Variants in ABCB1 observed in about 807,000 individuals in gnomAD.
ABCB1 encodes the protein ATP-dependent translocase ABCB1.
ABCB1 carries 69 observed loss-of-function variants against 142.0 expected under a neutral mutation model. That is an observed-to-expected ratio of 0.49 (90% CI 0.40 to 0.59). The LOEUF is 0.59. Among genes scored for constraint, ABCB1 ranks in the 20% least tolerant of loss-of-function variants. The pLI is 0.00. For missense variants in ABCB1, 1,326 were observed against 1,554.7 expected (o/e 0.85, Z 2.47); for synonymous variants, 532 against 539.2 (o/e 0.99, Z 0.18).
intron 15 of ABCB1, among the ~76,000 whole-genome samples, chr7:87,545,249 GTATCT>G (rs1816724414): frequency 6.6e-6 from 1 of 152,130 alleles, no homozygotes; most frequent in Admixed American, 6.5e-5. Flanking sequence ...TTCATTCCAT[GTATCT>G]TATCTTCTCA....
chr7:87,545,315 G>GCTTT (rs1205762560), intron 15 of ABCB1, among the ~76,000 whole-genome samples: 1 of 152,156 alleles, frequency 6.6e-6, no homozygotes, highest in Non-Finnish European at 1.5e-5. Context: ...CTGGATCAGT[G>GCTTT]CTTTCAACAG....
chr7:87,533,528 C>A (rs541276922), intron 20 of ABCB1, among the ~76,000 whole-genome samples: 4 of 152,210 alleles, frequency 2.6e-5, no homozygotes, highest in African/African-American at 7.2e-5. Flanking sequence ...GAGATTTAAC[C>A]CCTCGGCTTC....
At chr7:87,669,173 A>G (rs1430180332) in intron 1 of ABCB1, among the ~76,000 whole-genome samples, 1 of 152,140 alleles carries the variant, frequency 6.6e-6, no homozygotes, top group Non-Finnish European at 1.5e-5. Context: ...TGTTGGGTAC[A>G]TATATATTTA....
intron 1 of ABCB1, chr7:87,628,336 G>A (rs892264094): frequency 3.3e-5 from 5 of 152,762 alleles, no homozygotes; most frequent in Admixed American, 3.3e-4. Context: ...GATCCGGCGG[G>A]GGTAGCGTTG....
At chr7:87,509,607 T>A in intron 25 of ABCB1, 126 bp from the exon 26 acceptor site, 1 of 1,031,428 alleles carries the variant, frequency 9.7e-7, no homozygotes, top group Non-Finnish European at 1.5e-6. Context: ...TTTGTGTGAT[T>A]AAAATTTGGA....
At chr7:87,533,948 T>A (rs570039961) in intron 20 of ABCB1, among the ~76,000 whole-genome samples, 1 of 152,326 alleles carries the variant, frequency 6.6e-6, no homozygotes, top group South Asian at 2.1e-4. Context: ...GCAGCCATCT[T>A]GGCAGGGCCA....
In ABCB1 at chr7:87,545,941, A is replaced by G. The variant is rs757574649; in HGVS notation, c.1809T>C (p.Asp603=). Reference sequence around the variant, plus strand: ...GATTTCCTTTCTCCACAATGACTCCATCATCGAAACCAGCGATGACGTCAG... The same window carrying G: ...GATTTCCTTTCTCCACAATGACTCCGTCATCGAAACCAGCGATGACGTCAG... ...RNADVIAGFD[D]GVIVEKGNHD... is the part of the protein sequence containing the mutation. Residue 603 remains aspartate (D), a synonymous_variant, in exon 15 of 28, where the codon GAT becomes GAC. Coordinates refer to ENST00000622132, the MANE Select transcript of ABCB1 (RefSeq NM_001348946.2). The G allele has an allele frequency of 3.7e-6, 6 of 1,614,026 alleles. No individual in the cohort carries two copies. The African/African-American group carries it at 6.7e-5, about 18-fold the overall frequency.
intron 1 of ABCB1, among the ~76,000 whole-genome samples, chr7:87,702,823 C>T (rs1829211786): frequency 6.6e-6 from 1 of 152,066 alleles, no homozygotes; most frequent in East Asian, 1.9e-4. Flanking sequence ...GCTAAATGGA[C>T]CATTTAATGC....
At position 87,605,999 on chromosome 7, in the gene ABCB1, A is replaced by G. The variant is rs1250778775; in HGVS notation, c.-330-4921T>C. On this transcript the variant is annotated intron_variant, in intron 1 of 28. Transcript: ENST00000265724. ...ATTACTTTTAAAGAAATCTATAAAA[A>G]CAACAAAATTATGAAGAAAATTGAA... Among the ~76,000 whole-genome samples, 3 of 152,232 alleles carry G rather than the reference A, an allele frequency of 2.0e-5. No individual in the cohort carries two copies. The East Asian group carries it at 5.8e-4, about 29-fold the overall frequency.
At chr7:87,518,148 A>G (rs1815333285) in intron 23 of ABCB1, among the ~76,000 whole-genome samples, 1 of 152,140 alleles carries the variant, frequency 6.6e-6, no homozygotes. Context: ...CTCTATGCCT[A>G]TGTTTGTGTA....
chr7:87,561,511 T>C (rs940023204), intron 7 of ABCB1, 124 bp from the exon 8 acceptor site: 13 of 976,704 alleles, frequency 1.3e-5, no homozygotes, highest in Non-Finnish European at 1.8e-5. Context: ...AAAATCTGTC[T>C]TTTACTTGCC....
intron 21 of ABCB1, chr7:87,521,947 G>A: frequency 1.3e-6 from 1 of 792,036 alleles, no homozygotes; most frequent in South Asian, 1.3e-5. Context: ...GGGTAAGACT[G>A]TCACTGAGAA....
rs769592199 is a variant in ABCB1, at chr7:87,505,908, C to T, written c.3625G>A (p.Glu1209Lys). 5 of 1,614,026 alleles carry T rather than the reference C, an allele frequency of 3.1e-6. No homozygotes were observed. The highest frequency in any genetic ancestry group is 2.2e-5 in the East Asian group (1 of 44,888). The change falls in exon 27 of 28, where the codon GAA becomes AAA. Residue 1209 changes from glutamate to lysine, a missense_variant. Glu to Lys is a moderately conservative substitution (Grantham distance 56, BLOSUM62 1). Coordinates refer to ENST00000622132, the MANE Select transcript of ABCB1 (RefSeq NM_001348946.2). ...LDEATSALDT[E>K]SEKVVQEALD... is the part of the protein sequence containing the mutation. The stretch of plus-strand genomic sequence containing the variant: ...ATTTAAATTCTTACCTTTTCACTTT[C>T]TGTATCCAGAGCTGACGTGGCTTCA...
intron 1 of ABCB1, among the ~76,000 whole-genome samples, chr7:87,625,869 G>C (rs1394504111): frequency 6.6e-6 from 1 of 151,688 alleles, no homozygotes; most frequent in Non-Finnish European, 1.5e-5. Context: ...AAAGTGTAAA[G>C]TCTGACTAAA....
At chr7:87,553,135 A>G (rs1327558511) in intron 9 of ABCB1, among the ~76,000 whole-genome samples, 1 of 152,178 alleles carries the variant, frequency 6.6e-6, no homozygotes, top group Non-Finnish European at 1.5e-5. Flanking sequence ...ATCAGAAAAT[A>G]AAAGTGAAGT....
At chr7:87,681,619 A>T (rs567159372) in intron 1 of ABCB1, among the ~76,000 whole-genome samples, 2 of 150,744 alleles carry the variant, frequency 1.3e-5, no homozygotes, top group East Asian at 3.9e-4. Context: ...TCAGCAAGTC[A>T]TTACCTTTTT....
At chr7:87,530,451 C>T (rs1003876780) in intron 21 of ABCB1, among the ~76,000 whole-genome samples, 1 of 152,002 alleles carries the variant, frequency 6.6e-6, no homozygotes, top group Admixed American at 6.6e-5. Flanking sequence ...TGTGCCTCAG[C>T]CCCACTAGAA....
intron 1 of ABCB1, among the ~76,000 whole-genome samples, chr7:87,691,491 A>G (rs1828008026): frequency 6.6e-6 from 1 of 152,150 alleles, no homozygotes; most frequent in Non-Finnish European, 1.5e-5. Context: ...TAAGCTACAT[A>G]GTGTTAAATA....
intron 1 of ABCB1, among the ~76,000 whole-genome samples, chr7:87,679,221 A>G (rs1826682843): frequency 6.8e-6 from 1 of 147,992 alleles, no homozygotes; most frequent in South Asian, 2.1e-4. Flanking sequence ...GCCTCCCAAG[A>G]AGCTGGGACT....
Sources: gnomAD v4.1 joint callset for allele counts (sites outside exome capture counted in the v4.1 genomes callset) on GRCh38, gnomAD v4.1.1 for gene constraint, MANE v1.5 for transcripts, NCBI Gene and HGNC (gene_info 2026-07-23, HGNC 2026-07-21) for gene names.